The following FOXN3 variants were observed in gnomAD, a reference collection of about 807,000 sequenced individuals.
FOXN3 encodes the protein forkhead box protein N3.
FOXN3 carries 7 observed loss-of-function variants against 38.4 expected under a neutral mutation model. The ratio of observed to expected loss-of-function variants is 0.18; its 90% CI spans 0.10 to 0.34. The LOEUF (loss-of-function observed/expected upper bound fraction) is 0.34, where lower values mean the gene tolerates loss of function less well. Ranked by LOEUF, FOXN3 falls within the 10% of genes least tolerant of loss-of-function variation. The probability of loss-of-function intolerance (pLI) is 1.00; values close to 1 mark genes in which losing one functional copy is unlikely to be tolerated. For missense variants in FOXN3, 456 were observed against 613.4 expected, an observed-to-expected ratio of 0.74 and a Z score of 2.71; for synonymous variants, 230 against 242.2, an observed-to-expected ratio of 0.95 and a Z score of 0.47.
At chr14:89,322,345 T>A (rs952134504) in intron 3 of FOXN3, among the ~76,000 whole-genome samples, 1 of 152,178 alleles carries the variant, frequency 6.6e-6, no homozygotes, top group Non-Finnish European at 1.5e-5. Context: ...CATTCATCTA[T>A]CAGTAGATGG....
At chr14:89,578,495 C>T (rs989460004) in intron 1 of FOXN3, among the ~76,000 whole-genome samples, 7 of 152,184 alleles carry the variant, frequency 4.6e-5, no homozygotes, top group Non-Finnish European at 1.0e-4. Context: ...CAGCCAGCAG[C>T]ACTCCCTGAC....
chr14:89,564,531 A>G (rs1489172076), intron 1 of FOXN3, among the ~76,000 whole-genome samples: 1 of 152,220 alleles, frequency 6.6e-6, no homozygotes, highest in African/African-American at 2.4e-5. Context: ...CAGGAAAAGC[A>G]TAAAGACAGA....
intron 4 of FOXN3, among the ~76,000 whole-genome samples, chr14:89,197,825 G>A (rs1195828895): frequency 6.6e-6 from 1 of 152,220 alleles, no homozygotes; most frequent in Admixed American, 6.5e-5. Flanking sequence ...TGAAGTGTTT[G>A]AAAGGCGAAG....
chr14:89,440,315 A>C (rs1258570538), intron 1 of FOXN3, among the ~76,000 whole-genome samples: 1 of 150,438 alleles, frequency 6.6e-6, no homozygotes, highest in Non-Finnish European at 1.5e-5. Context: ...CCTTGGGGAT[A>C]CCAGAATATC....
chr14:89,414,606 T>G (rs1028406995), intron 1 of FOXN3, among the ~76,000 whole-genome samples: 1 of 144,446 alleles, frequency 6.9e-6, no homozygotes, highest in Non-Finnish European at 1.5e-5. Flanking sequence ...CAGGCTGGAG[T>G]GCAGTGGTGC....
intron 4 of FOXN3, among the ~76,000 whole-genome samples, chr14:89,194,720 A>AAT (rs891780503): frequency 4.0e-5 from 6 of 151,812 alleles, no homozygotes; most frequent in African/African-American, 1.5e-4. Flanking sequence ...CTCACTGTAA[A>AAT]AAAAAAAACA....
intron 1 of FOXN3, among the ~76,000 whole-genome samples, chr14:89,580,821 GT>G (rs1490889177): frequency 6.6e-6 from 1 of 152,212 alleles, no homozygotes; most frequent in Non-Finnish European, 1.5e-5. Context: ...TTTCAATTAT[GT>G]TTTTAGGGAC....
At chr14:89,448,864 C>T (rs573225419) in intron 1 of FOXN3, among the ~76,000 whole-genome samples, 5 of 151,838 alleles carry the variant, frequency 3.3e-5, no homozygotes, top group Non-Finnish European at 1.5e-5. Flanking sequence ...ACCAATTGAG[C>T]CTGGGAAGTC....
intron 2 of FOXN3, among the ~76,000 whole-genome samples, chr14:89,407,064 C>CA (rs1478496350): frequency 1.3e-5 from 2 of 151,524 alleles, no homozygotes; most frequent in African/African-American, 4.9e-5. Context: ...CATGTGAACC[C>CA]ATGGCTCAAT....
intron 1 of FOXN3, among the ~76,000 whole-genome samples, chr14:89,567,400 G>C (rs1895378922): frequency 7.4e-6 from 1 of 134,644 alleles, no homozygotes. Flanking sequence ...AAAAGGTACA[G>C]AGCGATACTA....
intron 4 of FOXN3, among the ~76,000 whole-genome samples, chr14:89,224,437 T>C (rs118091458): frequency 6.6e-6 from 1 of 152,224 alleles, no homozygotes; most frequent in Non-Finnish European, 1.5e-5. Flanking sequence ...ATAACTTTCA[T>C]AAAAATTAAT....
chr14:89,521,928 G>C (rs1407918517), intron 1 of FOXN3, among the ~76,000 whole-genome samples: 2 of 151,748 alleles, frequency 1.3e-5, no homozygotes, highest in Non-Finnish European at 2.9e-5. Context: ...GGGGGTAGGG[G>C]TGGGGTATCC....
intron 3 of FOXN3, among the ~76,000 whole-genome samples, chr14:89,289,882 C>G (rs936594792): frequency 6.6e-6 from 1 of 152,106 alleles, no homozygotes; most frequent in Non-Finnish European, 1.5e-5. Flanking sequence ...ATTGAACATA[C>G]GTGGAAAATT....
chr14:89,401,748 G>A lies in FOXN3; in HGVS notation c.543+10186C>T. On this transcript the variant is annotated intron_variant, in intron 2 of 5. Coordinates refer to ENST00000557258, the MANE Select transcript of FOXN3 (RefSeq NM_005197.4). ...AATGACATTAGTTAAATCACTTATCGGTCCTGTCCCTCGAGGAGGACAGTC... is the reference window on the plus strand; with the variant it reads ...AATGACATTAGTTAAATCACTTATCAGTCCTGTCCCTCGAGGAGGACAGTC... The A allele has an allele frequency of 8.5e-5, 37 of 436,500 alleles. 1 individual carries two copies. The highest frequency in any genetic ancestry group is 5.6e-4 in the South Asian group (34 of 61,150). 27.0% of individuals were successfully genotyped at this position (436,500 alleles called of 1,614,324 possible).
At chr14:89,403,086 C>T (rs1375967403) in intron 2 of FOXN3, among the ~76,000 whole-genome samples, 1 of 152,246 alleles carries the variant, frequency 6.6e-6, no homozygotes. Context: ...GATCGGCACA[C>T]TTCCAGTACT....
chr14:89,196,455 A>G (rs1338371164), intron 4 of FOXN3, among the ~76,000 whole-genome samples: 11 of 152,054 alleles, frequency 7.2e-5, no homozygotes, highest in African/African-American at 2.7e-4. Context: ...TTTTAAAATG[A>G]TGGGTGGGTG....
intron 2 of FOXN3, among the ~76,000 whole-genome samples, chr14:89,362,894 G>T (rs183197735): frequency 6.6e-6 from 1 of 151,510 alleles, no homozygotes; most frequent in East Asian, 2.0e-4. Context: ...AAGGTGGATC[G>T]TTGGGCCTGA....
chr14:89,349,153 C>T (rs1386288386), intron 3 of FOXN3, among the ~76,000 whole-genome samples: 1 of 152,188 alleles, frequency 6.6e-6, no homozygotes, highest in Admixed American at 6.5e-5. Flanking sequence ...TCCTCCTTCA[C>T]CAACCTTGTA....
intron 1 of FOXN3, among the ~76,000 whole-genome samples, chr14:89,499,185 C>T (rs1330567772): frequency 1.3e-5 from 2 of 152,134 alleles, no homozygotes; most frequent in Non-Finnish European, 2.9e-5. Flanking sequence ...ATCAGCGGGT[C>T]TTCTCACTGT....
Sources: allele counts gnomAD v4.1 joint callset (sites outside exome capture counted in the v4.1 genomes callset), GRCh38; gene constraint gnomAD v4.1.1; transcripts MANE v1.5; gene names NCBI Gene and HGNC (gene_info 2026-07-23, HGNC 2026-07-21).